The following FGD4 variants were observed in gnomAD, a reference collection of about 807,000 sequenced individuals.
FGD4 encodes the protein FYVE, RhoGEF and PH domain containing 4.
FGD4 carries 42 observed loss-of-function variants against 102.0 expected under a neutral mutation model. That is an observed-to-expected ratio of 0.41 (90% CI 0.32 to 0.53). FGD4 has a LOEUF of 0.53. Ranked by LOEUF, FGD4 falls within the 20% of genes least tolerant of loss-of-function variation. The probability of loss-of-function intolerance (pLI) is 0.21; values close to 1 mark genes in which losing one functional copy is unlikely to be tolerated. For missense variants in FGD4, 902 were observed against 1,078.2 expected, an observed-to-expected ratio of 0.84 and a Z score of 2.29; for synonymous variants, 380 against 375.7, an observed-to-expected ratio of 1.01 and a Z score of -0.13.
At position 32,512,674 on chromosome 12, in the gene FGD4, T is replaced by C. The variant is rs543908575; in HGVS notation, c.167-51463T>C. ...TAGCTTGCCTGCCTGAAATGCAGAG[T>C]TGATTGGAGACAGGCTGATCCAGGG... On this transcript the variant is annotated intron_variant, in intron 1 of 16. Coordinates refer to ENST00000534526, the MANE Select transcript of FGD4 (RefSeq NM_001370298.3). Among the ~76,000 whole-genome samples, 16 of 152,052 alleles carry C rather than the reference T, an allele frequency of 1.1e-4. No homozygotes were observed. In the East Asian group the frequency reaches 2.9e-3, roughly 28 times the overall value.
intron 1 of FGD4, among the ~76,000 whole-genome samples, chr12:32,442,043 GTT>G (rs66975190): frequency 0.037 from 4,788 of 131,030 alleles, 124 homozygotes; most frequent in South Asian, 0.11. Context: ...GTGTTGTTGT[GTT>G]TTTTTTTTTT....
chr12:32,427,726 C>T (rs1941895639), intron 1 of FGD4, among the ~76,000 whole-genome samples: 1 of 152,110 alleles, frequency 6.6e-6, no homozygotes, highest in African/African-American at 2.4e-5. Flanking sequence ...TAAGAACTTG[C>T]TTTATGAATC....
chr12:32,409,477 C>G (rs1371427693), intron 1 of FGD4, among the ~76,000 whole-genome samples: 1 of 151,846 alleles, frequency 6.6e-6, no homozygotes, highest in African/African-American at 2.4e-5. Context: ...TTAGTAGAGA[C>G]GGGGTTTCAC....
intron 14 of FGD4, among the ~76,000 whole-genome samples, chr12:32,628,062 A>G (rs73085430): frequency 0.15 from 23,160 of 152,182 alleles, 2,041 homozygotes; most frequent in Middle Eastern, 0.26. Context: ...CATGAGATTG[A>G]ACAGCTAAGG....
chr12:32,619,658 ATTTC>A (rs753084801), intron 10 of FGD4, 36 bp from the exon 11 acceptor site: 1 of 1,610,564 alleles, frequency 6.2e-7, no homozygotes, highest in African/African-American at 1.3e-5. Flanking sequence ...AGTTTCCCCT[ATTTC>A]TTTTCTTTAC....
At chr12:32,507,292 G>A (rs1938871910) in intron 1 of FGD4, among the ~76,000 whole-genome samples, 1 of 152,066 alleles carries the variant, frequency 6.6e-6, no homozygotes, top group African/African-American at 2.4e-5. Flanking sequence ...GTATTCCATG[G>A]TGTATATGTG....
intron 3 of FGD4, among the ~76,000 whole-genome samples, chr12:32,580,939 T>C (rs1382572685): frequency 1.3e-5 from 2 of 151,638 alleles, no homozygotes; most frequent in East Asian, 1.9e-4. Flanking sequence ...TATTGTTATA[T>C]GTTGGGAGTA....
chr12:32,558,445 G>A lies in FGD4; in HGVS notation c.167-5692G>A, dbSNP rs78173715. 2.3e-3 allele frequency among the ~76,000 whole-genome samples: 349 copies of A among 152,322 alleles called. 1 individual carries two copies. Among genetic ancestry groups the A allele is most frequent in the African/African-American group, 7.8e-3 (326 of 41,582 alleles). On this transcript the variant is annotated intron_variant, in intron 1 of 16. Coordinates refer to ENST00000534526, the MANE Select transcript of FGD4 (RefSeq NM_001370298.3). ...TGGATGAGACAGTATAAGCAAGACC[G>A]TATAAAGCTGTGATCTGAGCTCATG...
intron 1 of FGD4, among the ~76,000 whole-genome samples, chr12:32,523,859 T>A (rs1218998748): frequency 6.6e-6 from 1 of 151,772 alleles, no homozygotes; most frequent in Non-Finnish European, 1.5e-5. Context: ...GCACCTGTAG[T>A]CCCAGCTGTT....
intron 1 of FGD4, among the ~76,000 whole-genome samples, chr12:32,561,075 G>GTTTTTTT (rs1218919677): frequency 7.0e-5 from 6 of 85,182 alleles, no homozygotes; most frequent in African/African-American, 1.4e-4. Context: ...GTTGGGTTTT[G>GTTTTTTT]TTTTTTTTTT....
rs1205827644 is a variant in FGD4 at position 32,640,500 on chromosome 12, T to C, written c.2679T>C (p.Asp893=). The change falls in exon 17 of 17, where the codon GAT becomes GAC. Residue 893 remains aspartate, a synonymous_variant. Coordinates refer to ENST00000534526, the MANE Select transcript of FGD4 (RefSeq NM_001370298.3). The part of the protein sequence containing the change: ...GPNEHPATLD[D]HPEPKKKSEC Reference sequence around the variant, plus strand: ...ATGAGCATCCAGCCACCTTGGATGATCATCCTGAACCTAAGAAAAAATCAG... The same window carrying C: ...ATGAGCATCCAGCCACCTTGGATGACCATCCTGAACCTAAGAAAAAATCAG... 3 of 1,614,080 alleles carry C rather than the reference T, an allele frequency of 1.9e-6. No homozygotes were observed. The highest frequency in any genetic ancestry group is 3.3e-5 in the Admixed American group (2 of 60,012).
intron 1 of FGD4, among the ~76,000 whole-genome samples, chr12:32,472,617 C>T (rs1039258212): frequency 1.3e-5 from 2 of 152,252 alleles, no homozygotes; most frequent in Non-Finnish European, 1.5e-5. Context: ...CCCGGACGAG[C>T]ACCACCCCCT....
chr12:32,430,854 C>T (rs2136435103), intron 1 of FGD4, among the ~76,000 whole-genome samples: 1 of 152,294 alleles, frequency 6.6e-6, no homozygotes, highest in South Asian at 2.1e-4. Flanking sequence ...CCTCTGTAGT[C>T]CTTTTATAGA....
In FGD4 at chr12:32,547,691, G is replaced by A. The variant is rs373812817; in HGVS notation, c.167-16446G>A. Among the ~76,000 whole-genome samples, 17 of 152,210 alleles carry A rather than the reference G, an allele frequency of 1.1e-4. No homozygotes were observed. In the East Asian group the frequency reaches 1.7e-3, roughly 15 times the overall value. On this transcript the variant is annotated intron_variant, in intron 1 of 16. Transcript: ENST00000534526. ...AGTATTTAAAAGCAAGTTTGCATTA[G>A]TTTTAAAGCACTATGAAATCCCAAG...
chr12:32,469,335 G>A (rs2136513718), intron 1 of FGD4, among the ~76,000 whole-genome samples: 2 of 150,490 alleles, frequency 1.3e-5, no homozygotes, highest in South Asian at 4.3e-4. Flanking sequence ...CTGGAGTGCA[G>A]TGGCGCAATC....
At chr12:32,518,761 GC>G (rs1940170593) in intron 1 of FGD4, among the ~76,000 whole-genome samples, 1 of 151,638 alleles carries the variant, frequency 6.6e-6, no homozygotes, top group Non-Finnish European at 1.5e-5. Flanking sequence ...CTATTTAATG[GC>G]ACGATATTTA....
Position 32,624,404 on chromosome 12 carries a change from A to C in FGD4, c.1923-18A>C. 1 of 1,565,104 alleles carries C rather than the reference A, an allele frequency of 6.4e-7. No homozygotes were observed. ...CATTAATATTATTTACATTCACTTT[A>C]ATTTTGTTTTATTTTAGTTCTGCGC... On this transcript the variant is annotated intron_variant, in intron 11 of 16. Transcript: ENST00000534526.
rs1260029040 is a variant in FGD4 at position 32,618,299 on chromosome 12, G to C, written c.1750-1399G>C. Among the ~76,000 whole-genome samples the C allele has an allele frequency of 7.9e-5, 12 of 152,286 alleles. No homozygotes were observed. In the East Asian group the frequency reaches 2.1e-3, roughly 27 times the overall value. On this transcript the variant is annotated intron_variant, in intron 10 of 16. Transcript: ENST00000534526. ...GTGACCTCTGTCCCTTGTGCTGGTGGCTCTGTAGCTCCTGCAACATTCACA... is the reference window on the plus strand; with the variant it reads ...GTGACCTCTGTCCCTTGTGCTGGTGCCTCTGTAGCTCCTGCAACATTCACA...
At chr12:32,514,200 A>C (rs908217972) in intron 1 of FGD4, among the ~76,000 whole-genome samples, 25 of 152,214 alleles carry the variant, frequency 1.6e-4, no homozygotes, top group African/African-American at 4.8e-4. Flanking sequence ...ATATATATTC[A>C]TGTTATCCAG....
Sources: gnomAD v4.1 joint callset for allele counts (sites outside exome capture counted in the v4.1 genomes callset) on GRCh38, gnomAD v4.1.1 for gene constraint, MANE v1.5 for transcripts, NCBI Gene and HGNC (gene_info 2026-07-23, HGNC 2026-07-21) for gene names.